The following NEGR1 variants were observed in gnomAD, a reference collection of about 807,000 sequenced individuals.
NEGR1 encodes IgLON family member 4.
Under a neutral mutation model 40.9 loss-of-function variants are expected in NEGR1, and 10 were observed. The observed-to-expected ratio is 0.24, with a 90% CI of 0.15 to 0.42. NEGR1 has a LOEUF of 0.42. Among genes scored for constraint, NEGR1 ranks in the 10% least tolerant of loss-of-function variants. The pLI is 1.00. For synonymous variants in NEGR1, 185 were observed against 166.8 expected, an observed-to-expected ratio of 1.11 and a Z score of -0.84; for missense variants, 352 against 438.9, an observed-to-expected ratio of 0.80 and a Z score of 1.77.
intron 4 of NEGR1, among the ~76,000 whole-genome samples, chr1:71,645,697 C>T (rs557787361): frequency 4.9e-4 from 75 of 151,738 alleles, no homozygotes; most frequent in Non-Finnish European, 7.2e-4. Flanking sequence ...AGTTTCTGGA[C>T]GTTTGAAGAA....
Position 71,698,032 on chromosome 1 carries a change from T to G in NEGR1, c.643A>C (p.Arg215=), listed in dbSNP as rs779885533. ...AENDVSFPDV[R]KVKVVVNFAP... ...CAGTTGACAACAACTTTTACTTTCC[T>G]CACATCTGGGAATGACACATCATTT... The change falls in exon 4 of 7, where the codon AGG becomes CGG. Residue 215 remains arginine (R), a synonymous_variant. Transcript: ENST00000357731. The G allele has an allele frequency of 5.0e-6, 8 of 1,611,466 alleles. No homozygotes were observed. The South Asian group carries it at 8.8e-5, about 18-fold the overall frequency.
At chr1:71,843,349 T>C (rs753343196) in intron 2 of NEGR1, among the ~76,000 whole-genome samples, 1 of 152,100 alleles carries the variant, frequency 6.6e-6, no homozygotes, top group Non-Finnish European at 1.5e-5. Context: ...ACAAAGCAAC[T>C]TGAAGTATAT....
intron 3 of NEGR1, among the ~76,000 whole-genome samples, chr1:71,761,986 C>T (rs1655960614): frequency 6.6e-6 from 1 of 151,932 alleles, no homozygotes; most frequent in African/African-American, 2.4e-5. Flanking sequence ...AATAAAAATA[C>T]TTTATCATGT....
intron 1 of NEGR1, among the ~76,000 whole-genome samples, chr1:72,103,372 G>C (rs991099426): frequency 6.6e-6 from 1 of 152,006 alleles, no homozygotes. Context: ...CATAATTAAT[G>C]ATTTAATAAA....
intron 1 of NEGR1, among the ~76,000 whole-genome samples, chr1:72,268,715 T>A (rs1426144382): frequency 6.6e-6 from 1 of 151,550 alleles, no homozygotes; most frequent in Non-Finnish European, 1.5e-5. Context: ...AAACATATTC[T>A]ATACAAATAT....
At position 71,868,470 on chromosome 1, in the gene NEGR1, GA is replaced by G. The variant is rs1398032878; in HGVS notation, c.409+66608del. ...AGATAGATAGATAGATAGATAGACA[GA>G]ATACATACATACATACATACATACA... On this transcript the variant is annotated intron_variant, in intron 2 of 6. Coordinates refer to ENST00000357731, the MANE Select transcript of NEGR1 (RefSeq NM_173808.3). Among the ~76,000 whole-genome samples the G allele has an allele frequency of 4.1e-3, 330 of 80,228 alleles. 1 individual carries two copies. Among genetic ancestry groups the G allele is most frequent in the African/African-American group, 0.016 (313 of 20,100 alleles). 52.6% of individuals were successfully genotyped at this position (80,228 alleles called of 152,430 possible).
At chr1:71,521,690 T>A (rs1647158248) in intron 6 of NEGR1, among the ~76,000 whole-genome samples, 1 of 152,026 alleles carries the variant, frequency 6.6e-6, no homozygotes, top group Non-Finnish European at 1.5e-5. Flanking sequence ...TTCAATATGT[T>A]ACCATTAAGT....
intron 6 of NEGR1, among the ~76,000 whole-genome samples, chr1:71,589,174 C>T (rs1002231762): frequency 2.0e-5 from 3 of 152,134 alleles, no homozygotes; most frequent in Non-Finnish European, 4.4e-5. Flanking sequence ...CCTGAGTAGA[C>T]GTAGCACAGG....
At chr1:71,684,159 A>G (rs1023892065) in intron 4 of NEGR1, among the ~76,000 whole-genome samples, 1 of 151,974 alleles carries the variant, frequency 6.6e-6, no homozygotes, top group Non-Finnish European at 1.5e-5. Flanking sequence ...AGTCCCAGCT[A>G]CTGGGGAGGC....
chr1:71,941,122 G>A (rs568704288), intron 1 of NEGR1, among the ~76,000 whole-genome samples: 15 of 152,230 alleles, frequency 9.9e-5, no homozygotes, highest in African/African-American at 3.6e-4. Context: ...TACCTTTACT[G>A]CTGTCTCTTC....
intron 1 of NEGR1, among the ~76,000 whole-genome samples, chr1:72,078,838 C>T (rs891872493): frequency 2.0e-5 from 3 of 150,306 alleles, no homozygotes; most frequent in Non-Finnish European, 3.0e-5. Context: ...AGGGGTTTCA[C>T]CATGTTGGCC....
intron 4 of NEGR1, among the ~76,000 whole-genome samples, chr1:71,690,141 A>G (rs542016251): frequency 2.6e-5 from 4 of 152,034 alleles, no homozygotes; most frequent in South Asian, 2.1e-4. Context: ...ATACACATAC[A>G]CAAAACACAC....
rs541509995 is a variant in NEGR1 at position 72,052,705 on chromosome 1, C to T, written c.177-117394G>A. On this transcript the variant is annotated intron_variant, in intron 1 of 6. Transcript: ENST00000357731. ...ACAAATTTGATTCTTGCTCTTTTTA[C>T]TTGTTTTTTGAATTGAGCTATTAAC... Among the ~76,000 whole-genome samples the T allele has an allele frequency of 1.0e-3, 159 of 151,492 alleles. 1 individual carries two copies. The highest frequency in any genetic ancestry group is 3.7e-3 in the African/African-American group (152 of 41,436).
chr1:71,947,188 A>C (rs6424453), intron 1 of NEGR1, among the ~76,000 whole-genome samples: 77,865 of 147,744 alleles, frequency 0.53, 21,490 homozygotes, highest in East Asian at 0.66. Context: ...ATATATATAA[A>C]TCATATATAT....
intron 6 of NEGR1, among the ~76,000 whole-genome samples, chr1:71,493,054 C>T (rs1014178444): frequency 2.0e-5 from 3 of 152,076 alleles, no homozygotes; most frequent in African/African-American, 7.2e-5. Context: ...GATTCATACT[C>T]CCCATCTAGC....
intron 1 of NEGR1, among the ~76,000 whole-genome samples, chr1:72,232,010 C>A (rs1014372834): frequency 6.6e-6 from 1 of 152,054 alleles, no homozygotes; most frequent in African/African-American, 2.4e-5. Flanking sequence ...AAAAATTCAA[C>A]TCACAGCTAC....
At chr1:71,867,191 T>C (rs1467528510) in intron 2 of NEGR1, among the ~76,000 whole-genome samples, 2 of 152,096 alleles carry the variant, frequency 1.3e-5, no homozygotes, top group East Asian at 1.9e-4. Context: ...CTGGTCAACA[T>C]GGTGAAACTC....
chr1:72,135,675 G>A (rs907690258), intron 1 of NEGR1, among the ~76,000 whole-genome samples: 12 of 152,054 alleles, frequency 7.9e-5, no homozygotes, highest in African/African-American at 1.7e-4. Context: ...CAGAGACAAC[G>A]GAATTTCACA....
At chr1:72,054,021 C>A (rs564549873) in intron 1 of NEGR1, among the ~76,000 whole-genome samples, 28 of 150,986 alleles carry the variant, frequency 1.9e-4, no homozygotes, top group Non-Finnish European at 4.5e-5. Flanking sequence ...TAAGGTGAGA[C>A]GATAGGATCT....
Sources: allele counts gnomAD v4.1 joint callset (sites outside exome capture counted in the v4.1 genomes callset), GRCh38; gene constraint gnomAD v4.1.1; transcripts MANE v1.5; gene names NCBI Gene and HGNC (gene_info 2026-07-23, HGNC 2026-07-21).